Variants in EDA2R observed in about 807,000 individuals in gnomAD.
The protein encoded by EDA2R is ectodysplasin A2 receptor.
Under a neutral mutation model 20.1 loss-of-function variants are expected in EDA2R, and 26 were observed. The ratio of observed to expected loss-of-function variants is 1.30; its 90% CI spans 0.95 to 1.80. EDA2R has a LOEUF of 1.80. Among genes scored for constraint, EDA2R ranks in the 40% most tolerant of loss-of-function variants. The probability of loss-of-function intolerance (pLI) is 0.00; values close to 1 mark genes in which losing one functional copy is unlikely to be tolerated. For synonymous variants in EDA2R, 114 were observed against 88.7 expected, an observed-to-expected ratio of 1.29 and a Z score of -1.60; for missense variants, 277 against 228.7, an observed-to-expected ratio of 1.21 and a Z score of -1.36.
chrX:66,623,002 G>A (rs1932794855), intron 1 of EDA2R, among the ~76,000 whole-genome samples: 1 of 112,159 alleles, frequency 8.9e-6, no homozygotes, highest in African/African-American at 3.2e-5. Context: ...CCACGAGGGA[G>A]TTGGTTTGGC....
At chrX:66,604,946 T>C in intron 3 of EDA2R, 102 bp downstream of exon 3, 2 of 757,650 alleles carry the variant, frequency 2.6e-6, no homozygotes, top group Non-Finnish European at 3.8e-6. Context: ...ATATTATGTT[T>C]ATAAGAAGAA....
intron 1 of EDA2R, 134 bp from the exon 2 acceptor site, chrX:66,616,164 C>T: frequency 2.2e-6 from 1 of 459,293 alleles, no homozygotes; most frequent in Non-Finnish European, 3.9e-6. Context: ...GAAGCCAACA[C>T]AAAAGAGTTA....
chrX:66,598,235 C>T (rs1022506172), intron 6 of EDA2R, 142 bp from the exon 7 acceptor site: 3 of 209,845 alleles, frequency 1.4e-5, no homozygotes, highest in East Asian at 2.5e-4. Context: ...AGGGATATGA[C>T]AATTCTACCC....
In EDA2R at chrX:66,598,076, G is replaced by A. The variant is rs753176583; in HGVS notation, c.*28C>T. On this transcript the variant is annotated 3_prime_UTR_variant, in exon 7 of 7. Coordinates refer to ENST00000374719, the MANE Select transcript of EDA2R (RefSeq NM_021783.5). Reference sequence around the variant, plus strand: ...CCAGAGAGAACAACTGGGCAAGGCTGCCAGGGGCCCAAGAGACCTAAGGAG... The same window carrying A: ...CCAGAGAGAACAACTGGGCAAGGCTACCAGGGGCCCAAGAGACCTAAGGAG... The A allele has an allele frequency of 2.4e-5, 23 of 962,422 alleles. No individual in the cohort carries two copies. Among genetic ancestry groups the A allele is most frequent in the Non-Finnish European group, 2.9e-5 (22 of 749,364 alleles). The allele number at this position is 962,422 out of a possible 1,213,427, so 79.3% of individuals were successfully genotyped here. A position where few individuals can be genotyped will look rare whatever the true frequency, so the allele number is the denominator to read the frequency against.
intron 2 of EDA2R, among the ~76,000 whole-genome samples, chrX:66,613,688 A>T (rs1052840180): frequency 3.7e-4 from 41 of 111,793 alleles, no homozygotes; most frequent in African/African-American, 1.3e-3. Context: ...AAATTAGTAT[A>T]AACAAAATTC....
chrX:66,606,256 T>C (rs921570842), intron 2 of EDA2R, among the ~76,000 whole-genome samples: 1 of 112,022 alleles, frequency 8.9e-6, no homozygotes, highest in African/African-American at 3.2e-5. Flanking sequence ...TATTCTTTAT[T>C]TCTCCTGGGA....
chrX:66,615,481 T>G (rs1233895288), intron 2 of EDA2R, among the ~76,000 whole-genome samples: 1 of 111,712 alleles, frequency 9.0e-6, no homozygotes, highest in Non-Finnish European at 1.9e-5. Flanking sequence ...TATCTTTAAT[T>G]GGGATTTTAG....
intron 1 of EDA2R, among the ~76,000 whole-genome samples, chrX:66,624,508 G>C (rs1203346083): frequency 8.9e-6 from 1 of 111,926 alleles, no homozygotes; most frequent in African/African-American, 3.3e-5. Context: ...AACAGAGCAA[G>C]ACTCTGTCTC....
At chrX:66,611,493 GT>G (rs778592038) in intron 2 of EDA2R, among the ~76,000 whole-genome samples, 12 of 110,942 alleles carry the variant, frequency 1.1e-4, no homozygotes, top group Non-Finnish European at 1.7e-4. Flanking sequence ...AGAAACAGAA[GT>G]TTTTTTTAAA....
rs1475010001 is a variant in EDA2R, at chrX:66,598,080, G to A, written c.*24C>T. 1.0e-6 allele frequency: 1 copy of A among 960,797 alleles called. No homozygotes were observed. Among genetic ancestry groups the A allele is most frequent in the South Asian group, 2.0e-5 (1 of 48,833 alleles). 79.2% of individuals were successfully genotyped at this position (960,797 alleles called of 1,213,427 possible). On this transcript the variant is annotated 3_prime_UTR_variant, in exon 7 of 7. Coordinates refer to ENST00000374719, the MANE Select transcript of EDA2R (RefSeq NM_021783.5). ...AGAGAACAACTGGGCAAGGCTGCCA[G>A]GGGCCCAAGAGACCTAAGGAGAGAG...
chrX:66,636,771 A>C (rs772857771), intron 1 of EDA2R, among the ~76,000 whole-genome samples: 1 of 111,184 alleles, frequency 9.0e-6, no homozygotes, highest in South Asian at 3.9e-4. Flanking sequence ...CCTCCCAATA[A>C]CACCATGATG....
intron 1 of EDA2R, among the ~76,000 whole-genome samples, chrX:66,621,190 T>A (rs1429481622): frequency 1.8e-5 from 2 of 110,705 alleles, no homozygotes; most frequent in African/African-American, 6.6e-5. Context: ...GGCAGGAGAA[T>A]TGCTTGAACC....
chrX:66,612,957 C>T (rs188545023), intron 2 of EDA2R, among the ~76,000 whole-genome samples: 1 of 111,231 alleles, frequency 9.0e-6, no homozygotes, highest in Non-Finnish European at 1.9e-5. Flanking sequence ...AGCCAGAAAA[C>T]ATTGATATTC....
chrX:66,627,707 A>G (rs1933248301), intron 1 of EDA2R, among the ~76,000 whole-genome samples: 1 of 112,325 alleles, frequency 8.9e-6, no homozygotes, highest in South Asian at 3.7e-4. Flanking sequence ...TTCTACTGAC[A>G]GCAGAGATAG....
intron 1 of EDA2R, among the ~76,000 whole-genome samples, chrX:66,634,851 C>T (rs1204431842): frequency 9.0e-6 from 1 of 111,516 alleles, no homozygotes; most frequent in Non-Finnish European, 1.9e-5. Flanking sequence ...CCAATAATGG[C>T]TCATTTTATC....
intron 1 of EDA2R, among the ~76,000 whole-genome samples, chrX:66,626,684 T>G: frequency 9.3e-6 from 1 of 107,052 alleles, no homozygotes; most frequent in African/African-American, 3.4e-5. Context: ...GAAATTCATC[T>G]CAAAAAAAAT....
At chrX:66,617,968 C>G (rs1195736371) in intron 1 of EDA2R, among the ~76,000 whole-genome samples, 1 of 109,764 alleles carries the variant, frequency 9.1e-6, no homozygotes, top group Non-Finnish European at 1.9e-5. Context: ...CTCACTGCAA[C>G]CTCTGCCTCC....
chrX:66,602,086 T>C (rs1220068101), intron 5 of EDA2R, among the ~76,000 whole-genome samples: 1 of 111,801 alleles, frequency 8.9e-6, no homozygotes, highest in African/African-American at 3.3e-5. Context: ...GAAGTTATTA[T>C]ACTGATAGCA....
At chrX:66,612,208 A>C (rs769493722) in intron 2 of EDA2R, among the ~76,000 whole-genome samples, 4 of 111,540 alleles carry the variant, frequency 3.6e-5, no homozygotes, top group African/African-American at 6.5e-5. Context: ...GAAATGATTT[A>C]AGAAAGAGTG....
Sources: gnomAD v4.1 joint callset for allele counts (sites outside exome capture counted in the v4.1 genomes callset) on GRCh38, gnomAD v4.1.1 for gene constraint, MANE v1.5 for transcripts, NCBI Gene and HGNC (gene_info 2026-07-23, HGNC 2026-07-21) for gene names.